The following SLCO3A1 variants were observed in gnomAD, a reference collection of about 807,000 sequenced individuals.
The protein encoded by SLCO3A1 is solute carrier organic anion transporter family member 3A1.
Under a neutral mutation model 63.1 loss-of-function variants are expected in SLCO3A1, and 27 were observed. The ratio of observed to expected loss-of-function variants is 0.43; its 90% CI spans 0.32 to 0.59. SLCO3A1 has a LOEUF of 0.59. SLCO3A1 is among the 20% of genes least tolerant of loss of function. SLCO3A1 has a pLI of 0.09. For missense variants in SLCO3A1, 773 were observed against 945.8 expected (o/e 0.82, Z 2.40); for synonymous variants, 473 against 409.9 (o/e 1.15, Z -1.86).
intron 2 of SLCO3A1, among the ~76,000 whole-genome samples, chr15:91,999,687 G>A (rs1181091069): frequency 6.6e-6 from 1 of 152,236 alleles, no homozygotes; most frequent in Non-Finnish European, 1.5e-5. Flanking sequence ...AGGTACTCGG[G>A]AGGCCGAGGC....
At chr15:92,136,964 CTGTCT>C (rs1252825017) in intron 7 of SLCO3A1, among the ~76,000 whole-genome samples, 1 of 114,558 alleles carries the variant, frequency 8.7e-6, no homozygotes, top group Admixed American at 9.1e-5. Context: ...ACCAAGTAGT[CTGTCT>C]TTTTTTTTTT....
chr15:92,012,341 C>A (rs959612919), intron 2 of SLCO3A1, among the ~76,000 whole-genome samples: 2 of 152,080 alleles, frequency 1.3e-5, no homozygotes, highest in Non-Finnish European at 2.9e-5. Context: ...CTTTTCTTGC[C>A]GTGAAATGAG....
intron 2 of SLCO3A1, among the ~76,000 whole-genome samples, chr15:91,996,188 T>A (rs1257871454): frequency 6.6e-6 from 1 of 152,086 alleles, no homozygotes; most frequent in Non-Finnish European, 1.5e-5. Flanking sequence ...AGCATTTCTA[T>A]AGATAAGCAA....
chr15:91,966,749 G>T (rs1900675298), intron 2 of SLCO3A1, among the ~76,000 whole-genome samples: 1 of 152,232 alleles, frequency 6.6e-6, no homozygotes, highest in African/African-American at 2.4e-5. Context: ...AGCAGTGGAA[G>T]GAATTCATGC....
intron 1 of SLCO3A1, among the ~76,000 whole-genome samples, chr15:91,874,323 T>A (rs996352063): frequency 3.3e-5 from 5 of 152,164 alleles, no homozygotes; most frequent in African/African-American, 1.2e-4. Flanking sequence ...ACATTAAGTA[T>A]ATTCACAACG....
At chr15:91,869,564 A>AT (rs1897243681) in intron 1 of SLCO3A1, among the ~76,000 whole-genome samples, 1 of 151,148 alleles carries the variant, frequency 6.6e-6, no homozygotes, top group African/African-American at 2.4e-5. Context: ...GTGGTGCTGC[A>AT]TGCCACCACC....
At chr15:92,002,165 G>A (rs181465719) in intron 2 of SLCO3A1, among the ~76,000 whole-genome samples, 2 of 152,286 alleles carry the variant, frequency 1.3e-5, no homozygotes, top group East Asian at 3.9e-4. Flanking sequence ...GAGTGGATGT[G>A]TGGTTTTCCC....
chr15:92,086,779 C>T (rs112349784), intron 2 of SLCO3A1, among the ~76,000 whole-genome samples: 2 of 152,046 alleles, frequency 1.3e-5, no homozygotes, highest in African/African-American at 2.4e-5. Flanking sequence ...AGTTCAGGAC[C>T]AGCCTGGTCA....
intron 2 of SLCO3A1, among the ~76,000 whole-genome samples, chr15:91,923,089 T>G (rs1262181572): frequency 6.6e-6 from 1 of 152,208 alleles, no homozygotes; most frequent in Non-Finnish European, 1.5e-5. Context: ...CCTCCACGAC[T>G]CCTGGGTTTT....
chr15:91,904,260 A>G (rs1206218482), intron 1 of SLCO3A1, among the ~76,000 whole-genome samples: 1 of 152,214 alleles, frequency 6.6e-6, no homozygotes. Flanking sequence ...TTATCAGTAT[A>G]GCATTTTTAG....
chr15:91,919,462 A>T (rs1178505468), intron 2 of SLCO3A1, among the ~76,000 whole-genome samples: 4 of 152,140 alleles, frequency 2.6e-5, no homozygotes, highest in African/African-American at 9.7e-5. Flanking sequence ...CGGCACCCGG[A>T]CTCACAGTGC....
intron 1 of SLCO3A1, among the ~76,000 whole-genome samples, chr15:91,887,865 C>T (rs946690804): frequency 1.3e-5 from 2 of 152,174 alleles, no homozygotes; most frequent in African/African-American, 4.8e-5. Flanking sequence ...CTTAGTAATA[C>T]CTACACTACA....
chr15:92,086,952 T>TA (rs1337507881), intron 2 of SLCO3A1, among the ~76,000 whole-genome samples: 1 of 146,234 alleles, frequency 6.8e-6, no homozygotes, highest in African/African-American at 2.5e-5. Context: ...CACTTCACTC[T>TA]AACCGGGGTG....
At chr15:92,073,342 A>G (rs533637652) in intron 2 of SLCO3A1, among the ~76,000 whole-genome samples, 80 of 152,316 alleles carry the variant, frequency 5.3e-4, no homozygotes, top group African/African-American at 1.9e-3. Flanking sequence ...TACCCCGTGG[A>G]AAAGGTGTTG....
intron 5 of SLCO3A1, among the ~76,000 whole-genome samples, chr15:92,120,951 G>A (rs1359171138): frequency 6.6e-6 from 1 of 152,174 alleles, no homozygotes; most frequent in Non-Finnish European, 1.5e-5. Context: ...TGAAAGGTTA[G>A]CAGGTTTTAA....
chr15:92,029,207 A>G lies in SLCO3A1; in HGVS notation c.647-65674A>G, dbSNP rs193099987. Among the ~76,000 whole-genome samples the G allele has an allele frequency of 2.9e-3, 437 of 152,256 alleles. 2 individuals carry two copies. Among genetic ancestry groups the G allele is most frequent in the Non-Finnish European group, 3.9e-3 (264 of 68,018 alleles). The stretch of plus-strand genomic sequence containing the variant: ...AAACTCCGCAGCCTCTTATACTTCT[A>G]TGCCAGGTCTCTGACCCTGGGGGAA... On this transcript the variant is annotated intron_variant, in intron 2 of 9. Transcript: ENST00000318445.
At chr15:91,974,214 G>A (rs1301233603) in intron 2 of SLCO3A1, among the ~76,000 whole-genome samples, 1 of 151,652 alleles carries the variant, frequency 6.6e-6, no homozygotes, top group African/African-American at 2.4e-5. Flanking sequence ...AGAAAGCCAG[G>A]TCCCTTCATA....
At chr15:92,144,055 G>A (rs1187019061) in intron 7 of SLCO3A1, among the ~76,000 whole-genome samples, 1 of 152,228 alleles carries the variant, frequency 6.6e-6, no homozygotes, top group Admixed American at 6.5e-5. Flanking sequence ...ACAGGTCGGC[G>A]CCTTCCGGGC....
intron 9 of SLCO3A1, chr15:92,151,223 A>C (rs1032072221): frequency 5.4e-5 from 27 of 497,574 alleles, no homozygotes; most frequent in Non-Finnish European, 9.1e-5. Context: ...ATTTATACCA[A>C]CTCTTATCTT....
Sources: allele counts gnomAD v4.1 joint callset (sites outside exome capture counted in the v4.1 genomes callset), GRCh38; gene constraint gnomAD v4.1.1; transcripts MANE v1.5; gene names NCBI Gene and HGNC (gene_info 2026-07-23, HGNC 2026-07-21).